The following DNMT1 variants were observed in gnomAD, a reference collection of about 807,000 sequenced individuals.
DNMT1 encodes the protein DNA (cytosine-5)-methyltransferase 1.
In DNMT1, 24 loss-of-function variants were observed where a neutral mutation model predicts 205.3. That is an observed-to-expected ratio of 0.12 (90% CI 0.08 to 0.16). The LOEUF is 0.16. Among genes scored for constraint, DNMT1 ranks in the 10% least tolerant of loss-of-function variants. DNMT1 has a pLI of 1.00. For synonymous variants in DNMT1, 817 were observed against 839.8 expected, an observed-to-expected ratio of 0.97 and a Z score of 0.47; for missense variants, 1,293 against 2,177.7, an observed-to-expected ratio of 0.59 and a Z score of 8.09.
rs1416570059 is a variant in DNMT1, at chr19:10,159,345, A to AG, written c.1280+312dup. ...ATTCTCCTGCCTAAGCCTCTCGAGTAGTTGGGATTACAGTCGCGTACCACC... is the reference window on the plus strand; with the variant it reads ...ATTCTCCTGCCTAAGCCTCTCGAGTAGGTTGGGATTACAGTCGCGTACCACC... On this transcript the variant is annotated intron_variant, in intron 17 of 40. Coordinates refer to ENST00000359526, the MANE Select transcript of DNMT1 (RefSeq NM_001130823.3). The surrounding 1 kb of genome is among the most constrained non-coding windows in gnomAD (Gnocchi z 5.0). Among the ~76,000 whole-genome samples the AG allele has an allele frequency of 1.3e-5, 2 of 152,102 alleles. No homozygotes were observed. Among genetic ancestry groups the AG allele is most frequent in the Non-Finnish European group, 2.9e-5 (2 of 68,006 alleles).
At position 10,133,614 on chromosome 19, in the gene DNMT1, A is replaced by G; in HGVS notation, c.*53T>C. On this transcript the variant is annotated 3_prime_UTR_variant, in exon 41 of 41. Transcript: ENST00000359526. This position sits in a 1 kb window ranked among gnomAD's most constrained non-coding sequence, Gnocchi z 4.1. ...ATTGACATGTTAAAAACACAACATC[A>G]GTGCATGTTGGGGATTCCTGGTGCC... 2 of 1,561,598 alleles carry G rather than the reference A, an allele frequency of 1.3e-6. No individual in the cohort carries two copies. Among genetic ancestry groups the G allele is most frequent in the Non-Finnish European group, 8.7e-7 (1 of 1,146,602 alleles).
At position 10,159,944 on chromosome 19, in the gene DNMT1, T is replaced by C. The variant is rs1186067635; in HGVS notation, c.1090-22A>G. 5.0e-6 allele frequency: 8 copies of C among 1,614,054 alleles called. No individual in the cohort carries two copies. Among genetic ancestry groups the C allele is most frequent in the South Asian group, 2.2e-5 (2 of 91,086 alleles). On this transcript the variant is annotated intron_variant, in intron 15 of 40. Transcript: ENST00000359526. The surrounding 1 kb of genome is among the most constrained non-coding windows in gnomAD (Gnocchi z 5.0). ...GGGTCTGTGGGAGCAGGAACACAGA[T>C]GATGGCACTCAGAGAGCAGCTCCCA... is the stretch of plus-strand genomic sequence containing the variant.
rs772419584 is a variant in DNMT1 at position 10,140,286 on chromosome 19, G to A, written c.3566C>T (p.Ala1189Val). The A allele has an allele frequency of 1.9e-6, 3 of 1,614,004 alleles. No homozygotes were observed. Among genetic ancestry groups the A allele is most frequent in the Non-Finnish European group, 1.7e-6 (2 of 1,180,024 alleles). The part of the protein sequence containing the change: ...TLWAIEMWDP[A>V]AQAFRLNNPG... ...GTTGTTCAGCCGGAACGCCTGGGCC[G>A]CAGGGTCCCACATCTCGATGGCCCA... The change falls in exon 33 of 41, where the codon GCG becomes GTG. Residue 1189 changes from alanine (A) to valine (V), a missense_variant. By Grantham distance (64) the Ala-to-Val change is moderately conservative. Around this residue, in one of 13 missense-constraint regions of DNMT1, gnomAD observed 26 missense variants for 86.5 expected, o/e 0.30. Transcript: ENST00000359526. The surrounding 1 kb of genome is among the most constrained non-coding windows in gnomAD (Gnocchi z 8.4).
rs45484792 is a variant in DNMT1, at chr19:10,149,567, C to T, written c.2472G>A (p.Thr824=). 6.7e-4 allele frequency: 1,077 copies of T among 1,613,976 alleles called. No individual in the cohort carries two copies. Among genetic ancestry groups the T allele is most frequent in the Non-Finnish European group, 8.5e-4 (1,006 of 1,180,006 alleles). ...CCAAGAACAGCTCCAGAGGGTCCGA[C>T]GTGGCCCCGAGGACTGTGTCTGTCC... ...CAGTDTVLGA[T]SDPLELFLVD... The change falls in exon 26 of 41, where the codon ACG becomes ACA. Residue 824 remains threonine (T), a synonymous_variant. Coordinates refer to ENST00000359526, the MANE Select transcript of DNMT1 (RefSeq NM_001130823.3).
Position 10,160,395 on chromosome 19 carries a change from G to A in DNMT1, c.1032C>T (p.Thr344=), listed in dbSNP as rs769820234. The change falls in exon 14 of 41, where the codon ACC becomes ACT. Residue 344 remains threonine (T), a synonymous_variant. Coordinates refer to ENST00000359526, the MANE Select transcript of DNMT1 (RefSeq NM_001130823.3). ...GAATAAATTCTTACGGTTCTTTGGG[G>A]GTCGTTTTGCGTCTCTTCTCCTCCT... ...DEKEEKRRKT[T]PKEPTEKKMA... 3.1e-6 allele frequency: 5 copies of A among 1,614,108 alleles called. No individual in the cohort carries two copies. In the South Asian group the frequency reaches 4.4e-5, roughly 14 times the overall value.
chr19:10,140,352 T>C lies in DNMT1; in HGVS notation c.3524-24A>G, dbSNP rs1296534426. 2.5e-6 allele frequency: 4 copies of C among 1,612,266 alleles called. No individual in the cohort carries two copies. The highest frequency in any genetic ancestry group is 3.4e-6 in the Non-Finnish European group (4 of 1,179,956). On this transcript the variant is annotated intron_variant, in intron 32 of 40. Coordinates refer to ENST00000359526, the MANE Select transcript of DNMT1 (RefSeq NM_001130823.3). This position sits in a 1 kb window ranked among gnomAD's most constrained non-coding sequence, Gnocchi z 8.4. Reference sequence around the variant, plus strand: ...GCCTGGCAGATCAAGCACGAAGCCATGCTTTCAACTCTCCAGAAGATTTTT... The same window carrying C: ...GCCTGGCAGATCAAGCACGAAGCCACGCTTTCAACTCTCCAGAAGATTTTT...
chr19:10,144,058 A>G (rs956827221), intron 28 of DNMT1, 71 bp from the exon 29 acceptor site: 11 of 1,466,248 alleles, frequency 7.5e-6, no homozygotes, highest in Non-Finnish European at 1.0e-5. Context: ...ATGACTGACC[A>G]GTGAAAATAA....
chr19:10,189,374 G>A (rs2039257302), intron 1 of DNMT1, among the ~76,000 whole-genome samples: 1 of 151,668 alleles, frequency 6.6e-6, no homozygotes, highest in Non-Finnish European at 1.5e-5. Flanking sequence ...GCCCACCTTG[G>A]CCTCCCAAAG....
In DNMT1 at chr19:10,180,635, CAT is replaced by C. The variant is rs548071261; in HGVS notation, c.226-68_226-67del. The C allele has an allele frequency of 3.3e-4, 503 of 1,542,904 alleles. 2 individuals carry two copies. In the African/African-American group the frequency reaches 4.9e-3, roughly 15 times the overall value. ...ACAAGTGTCAGAGAACAAGGAAACA[CAT>C]GTGTTTCCTTCATCATCATCATCAT... On this transcript the variant is annotated intron_variant, in intron 3 of 40. Coordinates refer to ENST00000359526, the MANE Select transcript of DNMT1 (RefSeq NM_001130823.3).
intron 6 of DNMT1, among the ~76,000 whole-genome samples, chr19:10,176,610 C>A (rs1382964686): frequency 6.6e-6 from 1 of 152,156 alleles, no homozygotes; most frequent in African/African-American, 2.4e-5. Flanking sequence ...GTAACCCCAG[C>A]ACTTTGGGAG....
intron 13 of DNMT1, among the ~76,000 whole-genome samples, chr19:10,161,044 C>T (rs1390778215): frequency 2.6e-5 from 4 of 151,420 alleles, no homozygotes; most frequent in Non-Finnish European, 5.9e-5. Flanking sequence ...CGATGGCTCA[C>T]GCCTGTAATC....
Position 10,137,229 on chromosome 19 carries a change from C to G in DNMT1, c.4345G>C (p.Gly1449Arg), listed in dbSNP as rs770571074. Residue 1449 changes from glycine (G) to arginine (R), a missense_variant, in exon 37 of 41, where the codon GGG becomes CGG. Around this residue, in one of 13 missense-constraint regions of DNMT1, gnomAD observed 148 missense variants for 256.1 expected, o/e 0.58. Transcript: ENST00000359526. This position sits in a 1 kb window ranked among gnomAD's most constrained non-coding sequence, Gnocchi z 6.4. ...TTGGGCAGATCGCGCCAGTCTGACC[C>G]TGGGGCCAAGGGGATGTGCCGCATG... ...ARMRHIPLAP[G>R]SDWRDLPNIE... The G allele has an allele frequency of 1.2e-6, 2 of 1,611,112 alleles. No homozygotes were observed. The highest frequency in any genetic ancestry group is 4.5e-5 in the East Asian group (2 of 44,838).
intron 1 of DNMT1, among the ~76,000 whole-genome samples, chr19:10,193,677 A>G (rs543543510): frequency 8.5e-4 from 129 of 152,000 alleles, no homozygotes; most frequent in Admixed American, 1.2e-3. Flanking sequence ...AAAAAAAAAA[A>G]AAAAAGAAAA....
rs2089422973 is a variant in DNMT1 at position 10,133,851 on chromosome 19, T to A, written c.4865-150A>T. ...TAAGTGGCAGAGTGCTAAGGGAACG[T>A]TCACGGAGACTGAACACTCCTCAAA... On this transcript the variant is annotated intron_variant, in intron 40 of 40. Transcript: ENST00000359526. This position sits in a 1 kb window ranked among gnomAD's most constrained non-coding sequence, Gnocchi z 4.1. 3.3e-6 allele frequency: 3 copies of A among 909,368 alleles called. No individual in the cohort carries two copies. The highest frequency in any genetic ancestry group is 5.3e-6 in the Non-Finnish European group (3 of 569,366). The allele number at this position is 909,368 out of a possible 1,614,324, so 56.3% of individuals were successfully genotyped here.
Position 10,133,684 on chromosome 19 carries a change from C to T in DNMT1, c.4882G>A (p.Glu1628Lys), listed in dbSNP as rs773514878. 19 of 1,597,428 alleles carry T rather than the reference C, an allele frequency of 1.2e-5. No individual in the cohort carries two copies. The South Asian group carries it at 1.9e-4, about 16-fold the overall frequency. ...GGGCAGAACTAGTCCTTAGCAGCTT[C>T]CTCCTCCTTTATTTTAGCTGAAGGG... ...ESASAKIKEE[E>K]AAKD Residue 1628 changes from glutamate to lysine, a missense_variant, in exon 41 of 41, where the codon GAA (glutamate) becomes AAA (lysine). Coordinates refer to ENST00000359526, the MANE Select transcript of DNMT1 (RefSeq NM_001130823.3). This position sits in a 1 kb window ranked among gnomAD's most constrained non-coding sequence, Gnocchi z 4.1.
Position 10,159,643 on chromosome 19 carries a change from C to T in DNMT1, c.1280+15G>A, listed in dbSNP as rs138660947. On this transcript the variant is annotated intron_variant, in intron 17 of 40. Coordinates refer to ENST00000359526, the MANE Select transcript of DNMT1 (RefSeq NM_001130823.3). This position sits in a 1 kb window ranked among gnomAD's most constrained non-coding sequence, Gnocchi z 5.0. ...TCCTTCCACGAAGCAAACATGCACA[C>T]GAAAGTGCACTTACCTGAAGCAGGT... The T allele has an allele frequency of 4.3e-6, 7 of 1,613,298 alleles. No homozygotes were observed. The highest frequency in any genetic ancestry group is 5.9e-6 in the Non-Finnish European group (7 of 1,179,358).
chr19:10,173,493 CTTTT>C (rs747516765), intron 8 of DNMT1, among the ~76,000 whole-genome samples: 2 of 141,536 alleles, frequency 1.4e-5, no homozygotes, highest in Non-Finnish European at 1.6e-5. Flanking sequence ...TCTTTTTAAA[CTTTT>C]TTTTTTTTTT....
rs1410748981 is a variant in DNMT1, at chr19:10,159,088, GCA to G, written c.1280+568_1280+569del. Among the ~76,000 whole-genome samples, 1 of 152,184 alleles carries G rather than the reference GCA, an allele frequency of 6.6e-6. No homozygotes were observed. The highest frequency in any genetic ancestry group is 1.5e-5 in the Non-Finnish European group (1 of 68,038). On this transcript the variant is annotated intron_variant, in intron 17 of 40. Transcript: ENST00000359526. This position sits in a 1 kb window ranked among gnomAD's most constrained non-coding sequence, Gnocchi z 5.0. Reference sequence around the variant, plus strand: ...ACGACACCTAGATCACTGGTACCTAGCACAGAGTAGGCCTTCATCTGAGCGTG... The same window carrying G: ...ACGACACCTAGATCACTGGTACCTAGCAGAGTAGGCCTTCATCTGAGCGTG...
intron 29 of DNMT1, among the ~76,000 whole-genome samples, chr19:10,142,443 G>T (rs1056908787): frequency 3.4e-5 from 5 of 147,872 alleles, no homozygotes; most frequent in African/African-American, 7.6e-5. Flanking sequence ...TTAGGGAACT[G>T]CAGGGTAAAG....
Sources: gnomAD v4.1 joint callset for allele counts (sites outside exome capture counted in the v4.1 genomes callset) on GRCh38, gnomAD v4.1.1 for gene constraint, gnomAD v4.1.1 regional missense constraint, Gnocchi (gnomAD v3.1) non-coding constraint, MANE v1.5 for transcripts, NCBI Gene and HGNC (gene_info 2026-07-23, HGNC 2026-07-21) for gene names.